The following SLC8A1 variants were observed in gnomAD, a reference collection of about 807,000 sequenced individuals.
SLC8A1 encodes the protein solute carrier family 8 member A1.
Under a neutral mutation model 68.3 loss-of-function variants are expected in SLC8A1, and 18 were observed. The observed-to-expected ratio is 0.26, with a 90% CI of 0.18 to 0.39. The LOEUF is 0.39. SLC8A1 is among the 10% of genes least tolerant of loss of function. SLC8A1 has a pLI of 1.00. For missense variants in SLC8A1, 985 were observed against 1,156.7 expected (o/e 0.85, Z 2.15); for synonymous variants, 475 against 415.5 (o/e 1.14, Z -1.74).
At position 40,244,575 on chromosome 2, in the gene SLC8A1, A is replaced by C. The variant is rs866776573; in HGVS notation, c.1809-66720T>G. On this transcript the variant is annotated intron_variant, in intron 2 of 7. Coordinates refer to ENST00000406785, the Ensembl canonical transcript of SLC8A1. Reference sequence around the variant, plus strand: ...CATGATATGAAAAACCAAAAAAAAAAAAAAAAAAAAAATGCACCAAACCCC... The same window carrying C: ...CATGATATGAAAAACCAAAAAAAAACAAAAAAAAAAAATGCACCAAACCCC... 8.8e-3 allele frequency among the ~76,000 whole-genome samples: 1,339 copies of C among 151,846 alleles called. 26 individuals are homozygous for C. Among genetic ancestry groups the C allele is most frequent in the African/African-American group, 0.03 (1,254 of 41,414 alleles).
At chr2:40,307,574 C>T (rs201785151) in intron 2 of SLC8A1, among the ~76,000 whole-genome samples, 2 of 152,054 alleles carry the variant, frequency 1.3e-5, no homozygotes, top group East Asian at 1.9e-4. Flanking sequence ...AATAATTCAG[C>T]GAAAGGAAAC....
At chr2:40,325,920 T>G (rs1241285042) in intron 2 of SLC8A1, among the ~76,000 whole-genome samples, 10 of 151,638 alleles carry the variant, frequency 6.6e-5, no homozygotes, top group Non-Finnish European at 1.5e-4. Flanking sequence ...AAAGGTAAAA[T>G]GCACATTAAT....
At chr2:40,295,260 C>A (rs773548977) in intron 2 of SLC8A1, among the ~76,000 whole-genome samples, 78 of 151,970 alleles carry the variant, frequency 5.1e-4, no homozygotes, top group Non-Finnish European at 2.2e-4. Flanking sequence ...CCACCATGCC[C>A]AGCTAATTTT....
chr2:40,164,158 G>C (rs1020589602), intron 5 of SLC8A1, among the ~76,000 whole-genome samples: 2 of 60,784 alleles, frequency 3.3e-5, no homozygotes, highest in African/African-American at 9.2e-5. Context: ...AGAAGGGATG[G>C]GAGGGGACAG....
chr2:40,299,128 A>G (rs902961080), intron 2 of SLC8A1, among the ~76,000 whole-genome samples: 19 of 152,128 alleles, frequency 1.2e-4, no homozygotes, highest in African/African-American at 4.3e-4. Context: ...GAGGTTGGCA[A>G]GTGTCGCACA....
chr2:40,155,381 G>A (rs142646867), intron 6 of SLC8A1, among the ~76,000 whole-genome samples: 2 of 151,934 alleles, frequency 1.3e-5, no homozygotes, highest in African/African-American at 2.4e-5. Context: ...CACCTGCCTC[G>A]GCCTCCCAAA....
At chr2:40,159,092 G>A (rs1338046475) in intron 6 of SLC8A1, among the ~76,000 whole-genome samples, 1 of 152,096 alleles carries the variant, frequency 6.6e-6, no homozygotes, top group Non-Finnish European at 1.5e-5. Context: ...AGCAAATTTG[G>A]CCTTAATAGG....
intron 7 of SLC8A1, 115 bp downstream of exon 10, chr2:40,139,286 G>A (rs959442400): frequency 1.3e-5 from 15 of 1,178,046 alleles, no homozygotes; most frequent in East Asian, 4.9e-5. Flanking sequence ...CAGGGCTCTC[G>A]TCTTTCATAG....
intron 2 of SLC8A1, among the ~76,000 whole-genome samples, chr2:40,418,536 C>G (rs1694557373): frequency 3.3e-5 from 5 of 152,196 alleles, no homozygotes; most frequent in Admixed American, 3.3e-4. Flanking sequence ...TGAGCCTCAG[C>G]TCATCAGATT....
chr2:40,455,764 G>C (rs1387331312), upstream of SLC8A1, among the ~76,000 whole-genome samples: 2 of 152,180 alleles, frequency 1.3e-5, no homozygotes, highest in Admixed American at 6.5e-5. Context: ...CTGGAGACTT[G>C]TTCCTGCAGT....
chr2:40,377,016 T>C (rs1403168018), intron 2 of SLC8A1, among the ~76,000 whole-genome samples: 1 of 152,092 alleles, frequency 6.6e-6, no homozygotes, highest in Non-Finnish European at 1.5e-5. Context: ...GAATAGAATA[T>C]GGCAAAGGTG....
At chr2:40,201,524 A>G (rs1342300043) in intron 2 of SLC8A1, among the ~76,000 whole-genome samples, 1 of 151,942 alleles carries the variant, frequency 6.6e-6, no homozygotes, top group South Asian at 2.1e-4. Context: ...ACCAGTCTAA[A>G]TTGAAGGTAT....
At chr2:40,199,679 TTCCTC>T (rs2053759365) in intron 2 of SLC8A1, among the ~76,000 whole-genome samples, 1 of 151,842 alleles carries the variant, frequency 6.6e-6, no homozygotes, top group Admixed American at 6.6e-5. Flanking sequence ...GTCCTCAAAA[TTCCTC>T]TCCTCATTTA....
intron 6 of SLC8A1, among the ~76,000 whole-genome samples, chr2:40,153,067 T>C (rs1458397848): frequency 1.3e-5 from 2 of 152,172 alleles, no homozygotes; most frequent in Non-Finnish European, 2.9e-5. Flanking sequence ...GTCCTAAATG[T>C]AATGAACTAG....
chr2:40,354,789 T>C (rs1262592969), intron 2 of SLC8A1, among the ~76,000 whole-genome samples: 3 of 152,200 alleles, frequency 2.0e-5, no homozygotes, highest in African/African-American at 7.2e-5. Flanking sequence ...ATGTGATTTA[T>C]AGAACTATTT....
At chr2:40,133,709 C>T (rs928119784) in intron 7 of SLC8A1, among the ~76,000 whole-genome samples, 5 of 57,478 alleles carry the variant, frequency 8.7e-5, no homozygotes, top group Admixed American at 1.6e-4. Context: ...AATCCCCCCC[C>T]CCCACCGACT....
At chr2:40,376,737 T>G (rs1680010214) in intron 2 of SLC8A1, among the ~76,000 whole-genome samples, 1 of 152,098 alleles carries the variant, frequency 6.6e-6, no homozygotes, top group Non-Finnish European at 1.5e-5. Flanking sequence ...CTCTGTGTAC[T>G]AACTGCCTCA....
chr2:40,293,761 T>A (rs1305602253), intron 2 of SLC8A1, among the ~76,000 whole-genome samples: 1 of 152,192 alleles, frequency 6.6e-6, no homozygotes, highest in Non-Finnish European at 1.5e-5. Flanking sequence ...TCTACTGCTA[T>A]CAGTGCAGAG....
chr2:40,205,760 C>A, intron 2 of SLC8A1, among the ~76,000 whole-genome samples: 1 of 150,812 alleles, frequency 6.6e-6, no homozygotes, highest in African/African-American at 2.4e-5. Flanking sequence ...CACAAGTTTA[C>A]CTATGTAGCA....
Sources: allele counts gnomAD v4.1 joint callset (sites outside exome capture counted in the v4.1 genomes callset), GRCh38; gene constraint gnomAD v4.1.1; transcripts MANE v1.5; gene names NCBI Gene and HGNC (gene_info 2026-07-23, HGNC 2026-07-21).